The following NRXN1 variants were observed in gnomAD, a reference collection of about 807,000 sequenced individuals.
The protein encoded by NRXN1 is neurexin-1.
NRXN1 carries 39 observed loss-of-function variants against 150.9 expected under a neutral mutation model. The ratio of observed to expected loss-of-function variants is 0.26; its 90% CI spans 0.20 to 0.34. The LOEUF (loss-of-function observed/expected upper bound fraction) is 0.34, where lower values mean the gene tolerates loss of function less well. Ranked by LOEUF, NRXN1 falls within the 10% of genes least tolerant of loss-of-function variation. NRXN1 has a pLI of 1.00. For synonymous variants in NRXN1, 924 were observed against 757.0 expected (o/e 1.22, Z -3.62); for missense variants, 1,815 against 1,949.9 (o/e 0.93, Z 1.30).
intron 5 of NRXN1, among the ~76,000 whole-genome samples, chr2:50,705,049 AACACACAC>A (rs10679163): frequency 1.4e-5 from 2 of 145,738 alleles, no homozygotes; most frequent in African/African-American, 2.5e-5. Context: ...CAGAAACACA[AACACACAC>A]ACACACACAC....
In NRXN1 at chr2:49,989,520, G is replaced by T. The variant is rs142002085; in HGVS notation, c.4129-45729C>A. On this transcript the variant is annotated intron_variant, in intron 21 of 22. Transcript: ENST00000401669. ...AGCATACCTTTACTTGAACAAGTGA[G>T]TTTATTAATTGTTGTAGCAAGGAAG... Among the ~76,000 whole-genome samples the T allele has an allele frequency of 3.9e-5, 6 of 152,276 alleles. No homozygotes were observed. In the East Asian group the frequency reaches 1.2e-3, roughly 29 times the overall value.
chr2:50,719,792 G>C (rs1696395434), intron 5 of NRXN1, among the ~76,000 whole-genome samples: 4 of 152,130 alleles, frequency 2.6e-5, no homozygotes, highest in Admixed American at 2.6e-4. Flanking sequence ...TCAATTTCTA[G>C]GTCTTTATCT....
At chr2:50,267,844 T>G (rs1388561600) in intron 17 of NRXN1, among the ~76,000 whole-genome samples, 2 of 152,016 alleles carry the variant, frequency 1.3e-5, no homozygotes, top group African/African-American at 4.8e-5. Context: ...TTATCTTATT[T>G]GAAGTCCAAG....
intron 17 of NRXN1, among the ~76,000 whole-genome samples, chr2:50,330,221 T>A (rs1046435733): frequency 2.0e-5 from 3 of 152,118 alleles, no homozygotes; most frequent in African/African-American, 7.2e-5. Context: ...CTAAAAGGAA[T>A]ATACCAAAAT....
chr2:50,496,171 G>A lies in NRXN1; in HGVS notation c.2880-76C>T, dbSNP rs888613502. ...TGAACCTAAAGTAGATATTACAAAT[G>A]GAGATTTTTTTTCAGGTGGTTCCAT... On this transcript the variant is annotated intron_variant, in intron 14 of 22. Coordinates refer to ENST00000401669, the MANE Select transcript of NRXN1 (RefSeq NM_001330078.2). 2.8e-4 allele frequency: 331 copies of A among 1,193,444 alleles called. 1 individual carries two copies. Among genetic ancestry groups the A allele is most frequent in the Non-Finnish European group, 3.3e-4 (280 of 850,022 alleles). The allele number at this position is 1,193,444 out of a possible 1,614,324, so 73.9% of individuals were successfully genotyped here.
chr2:50,103,551 A>G (rs1426971783), intron 18 of NRXN1, among the ~76,000 whole-genome samples: 1 of 151,990 alleles, frequency 6.6e-6, no homozygotes, highest in African/African-American at 2.4e-5. Flanking sequence ...TCTCTATCCA[A>G]TTCTACTTCC....
chr2:50,274,638 A>G (rs1396893121), intron 17 of NRXN1, among the ~76,000 whole-genome samples: 1 of 152,186 alleles, frequency 6.6e-6, no homozygotes, highest in African/African-American at 2.4e-5. Flanking sequence ...GTAAAAATAG[A>G]CATCACTTTT....
chr2:50,749,033 A>T (rs3842845), intron 5 of NRXN1, among the ~76,000 whole-genome samples: 4 of 152,054 alleles, frequency 2.6e-5, no homozygotes, highest in Non-Finnish European at 4.4e-5. Context: ...CACTGGTCTA[A>T]GAATATCATG....
chr2:50,145,658 C>T (rs1707908432), intron 18 of NRXN1, among the ~76,000 whole-genome samples: 1 of 151,776 alleles, frequency 6.6e-6, no homozygotes, highest in African/African-American at 2.4e-5. Flanking sequence ...CCATTGCAAC[C>T]AAATGGCTTG....
At chr2:50,214,174 T>C (rs1254737888) in intron 18 of NRXN1, among the ~76,000 whole-genome samples, 2 of 152,070 alleles carry the variant, frequency 1.3e-5, no homozygotes, top group Non-Finnish European at 2.9e-5. Context: ...AGTAACAATA[T>C]CTTCTTTTAT....
intron 21 of NRXN1, among the ~76,000 whole-genome samples, chr2:50,004,371 T>C (rs911129890): frequency 1.8e-4 from 28 of 152,208 alleles, no homozygotes; most frequent in African/African-American, 6.7e-4. Context: ...AGTTAAGGTA[T>C]ATATAGAGAG....
chr2:50,330,312 C>T (rs1423862815), intron 17 of NRXN1, among the ~76,000 whole-genome samples: 2 of 152,012 alleles, frequency 1.3e-5, no homozygotes, highest in African/African-American at 4.8e-5. Context: ...TCTTCTATAG[C>T]GATAATTATA....
intron 8 of NRXN1, among the ~76,000 whole-genome samples, chr2:50,573,350 G>A (rs1670936140): frequency 7.1e-6 from 1 of 141,350 alleles, no homozygotes. Flanking sequence ...GTGACAGAGA[G>A]ACACTCTGTC....
At chr2:51,020,209 G>C (rs1218646509) in intron 2 of NRXN1, among the ~76,000 whole-genome samples, 2 of 151,284 alleles carry the variant, frequency 1.3e-5, no homozygotes, top group Non-Finnish European at 1.5e-5. Context: ...ACCACTAAAA[G>C]GTACCTTTAT....
intron 13 of NRXN1, among the ~76,000 whole-genome samples, chr2:50,500,311 C>A (rs903131990): frequency 6.6e-6 from 1 of 151,446 alleles, no homozygotes; most frequent in African/African-American, 2.4e-5. Context: ...AAAGGTAGTA[C>A]AACAGCATTG....
intron 5 of NRXN1, among the ~76,000 whole-genome samples, chr2:50,733,030 A>G (rs1468981811): frequency 1.3e-5 from 2 of 152,202 alleles, no homozygotes; most frequent in African/African-American, 4.8e-5. Context: ...TATGGCAAGT[A>G]TCCCAAGAAC....
intron 5 of NRXN1, among the ~76,000 whole-genome samples, chr2:50,707,554 A>C (rs777741456): frequency 4.6e-5 from 7 of 152,132 alleles, no homozygotes; most frequent in Non-Finnish European, 1.0e-4. Flanking sequence ...ACAGCTTTTT[A>C]TCATTTCAAA....
chr2:50,328,271 C>G (rs2076519026), intron 17 of NRXN1, among the ~76,000 whole-genome samples: 1 of 151,632 alleles, frequency 6.6e-6, no homozygotes, highest in South Asian at 2.1e-4. Flanking sequence ...TTATGTGTGG[C>G]CCAAGACAAT....
At chr2:50,530,177 G>A (rs546430428) in intron 11 of NRXN1, among the ~76,000 whole-genome samples, 42 of 152,134 alleles carry the variant, frequency 2.8e-4, no homozygotes, top group African/African-American at 8.9e-4. Context: ...TTGAAATAAT[G>A]ATAACACTGA....
Sources: gnomAD v4.1 joint callset for allele counts (sites outside exome capture counted in the v4.1 genomes callset) on GRCh38, gnomAD v4.1.1 for gene constraint, MANE v1.5 for transcripts, NCBI Gene and HGNC (gene_info 2026-07-23, HGNC 2026-07-21) for gene names.